The following KRCC1 variants were observed in gnomAD, a reference collection of about 807,000 sequenced individuals.
The protein encoded by KRCC1 is lysine-rich coiled-coil protein 1.
A neutral mutation model predicts 7.4 loss-of-function variants in KRCC1; 3 were observed. The ratio of observed to expected loss-of-function variants is 0.40; its 90% confidence interval spans 0.18 to 1.04. KRCC1 has a LOEUF of 1.04. Ranked by LOEUF, KRCC1 falls within the 50% of genes least tolerant of loss-of-function variation. KRCC1 has a pLI of 0.33. For missense variants in KRCC1, 277 were observed against 300.9 expected (o/e 0.92, Z 0.59); for synonymous variants, 102 against 101.6 (o/e 1.00, Z -0.02).
intron 1 of KRCC1, among the ~76,000 whole-genome samples, chr2:88,046,449 G>A (rs1027310717): frequency 4.6e-5 from 7 of 152,206 alleles, no homozygotes; most frequent in African/African-American, 1.7e-4. Flanking sequence ...TCAGGATTTT[G>A]TCTATTTAAC....
chr2:88,050,574 G>C (rs565262256), intron 1 of KRCC1, among the ~76,000 whole-genome samples: 1 of 152,336 alleles, frequency 6.6e-6, no homozygotes, highest in South Asian at 2.1e-4. Flanking sequence ...AGTGAGCCAA[G>C]ATTGTACCAC....
intron 1 of KRCC1, among the ~76,000 whole-genome samples, chr2:88,054,906 C>CGATCTA (rs1673579914): frequency 6.6e-6 from 1 of 152,182 alleles, no homozygotes; most frequent in Non-Finnish European, 1.5e-5. Flanking sequence ...GAGCTGGAGG[C>CGATCTA]TGCAGCGAGC....
At chr2:88,028,654 T>TTTC in intron 3 of KRCC1, 69 bp from the exon 4 acceptor site, 1 of 861,562 alleles carries the variant, frequency 1.2e-6, no homozygotes. Flanking sequence ...CTTTTTTTTT[T>TTTC]TTTTTTTTTT....
Position 88,051,954 on chromosome 2 carries a change from GTCT to G in KRCC1, c.-291+3669_-291+3671del, listed in dbSNP as rs374355874. ...CCATTGCTGTGTGAGTGTGGGAACT[GTCT>G]TGTGTATTTTAGGATATTTGTGGCA... On this transcript the variant is annotated intron_variant, in intron 1 of 3. Coordinates refer to ENST00000347055, the MANE Select transcript of KRCC1 (RefSeq NM_016618.3). Among the ~76,000 whole-genome samples, 104 of 152,368 alleles carry G rather than the reference GTCT, an allele frequency of 6.8e-4. No homozygotes were observed. In the East Asian group the frequency reaches 0.015, roughly 23 times the overall value.
At chr2:88,044,457 C>A (rs1177390121) in intron 1 of KRCC1, among the ~76,000 whole-genome samples, 1 of 151,926 alleles carries the variant, frequency 6.6e-6, no homozygotes, top group Non-Finnish European at 1.5e-5. Context: ...GATAAATATT[C>A]TCAACTAACG....
intron 1 of KRCC1, among the ~76,000 whole-genome samples, chr2:88,042,487 T>C (rs1264525638): frequency 1.4e-5 from 2 of 146,364 alleles, no homozygotes; most frequent in African/African-American, 2.5e-5. Context: ...GGCATGATCA[T>C]AGCTCGCTGC....
At chr2:88,038,076 T>C (rs1673130189) in intron 1 of KRCC1, among the ~76,000 whole-genome samples, 1 of 152,164 alleles carries the variant, frequency 6.6e-6, no homozygotes, top group African/African-American at 2.4e-5. Flanking sequence ...GCCCATGATA[T>C]ATTAACGGGA....
intron 1 of KRCC1, among the ~76,000 whole-genome samples, chr2:88,040,967 G>T (rs771514087): frequency 2.0e-5 from 3 of 152,150 alleles, no homozygotes; most frequent in Non-Finnish European, 2.9e-5. Flanking sequence ...GATAAAACAA[G>T]ACATGCATAA....
At chr2:88,048,170 C>A (rs1020803988) in intron 1 of KRCC1, among the ~76,000 whole-genome samples, 8 of 150,842 alleles carry the variant, frequency 5.3e-5, no homozygotes, top group African/African-American at 2.0e-4. Flanking sequence ...GCAACCTTCA[C>A]CTCCTGGGTT....
chr2:88,028,645 T>A, intron 3 of KRCC1, 60 bp from the exon 4 acceptor site: 30 of 383,408 alleles, frequency 7.8e-5, no homozygotes, highest in African/African-American at 3.1e-4. Flanking sequence ...TCCTTTGCTC[T>A]TTTTTTTTTT....
chr2:88,038,753 G>C (rs1033521556), intron 1 of KRCC1, among the ~76,000 whole-genome samples: 5 of 152,220 alleles, frequency 3.3e-5, no homozygotes, highest in African/African-American at 1.2e-4. Context: ...GGAAGGAGAA[G>C]TGCTGAGTGA....
intron 1 of KRCC1, among the ~76,000 whole-genome samples, chr2:88,054,655 C>G (rs1673572209): frequency 6.6e-6 from 1 of 152,158 alleles, no homozygotes; most frequent in African/African-American, 2.4e-5. Context: ...TCTCTTCCCA[C>G]TCCCTACTCC....
chr2:88,028,670 G>C, intron 3 of KRCC1, 85 bp from the exon 4 acceptor site: 2 of 690,432 alleles, frequency 2.9e-6, no homozygotes, highest in Non-Finnish European at 4.4e-6. Flanking sequence ...TTTTTCTTGA[G>C]ATGGCGTCTC....
intron 2 of KRCC1, among the ~76,000 whole-genome samples, chr2:88,034,955 C>A (rs1439385274): frequency 6.6e-6 from 1 of 151,498 alleles, no homozygotes; most frequent in African/African-American, 2.4e-5. Context: ...TTTTTTTTAC[C>A]CTGGAATAAT....
chr2:88,049,271 G>A (rs916322210), intron 1 of KRCC1, among the ~76,000 whole-genome samples: 4 of 152,192 alleles, frequency 2.6e-5, no homozygotes, highest in African/African-American at 7.2e-5. Flanking sequence ...TCATGCTTGT[G>A]AAGTTAGTTT....
chr2:88,053,749 T>C (rs779102856), intron 1 of KRCC1, among the ~76,000 whole-genome samples: 2 of 152,196 alleles, frequency 1.3e-5, no homozygotes, highest in African/African-American at 2.4e-5. Flanking sequence ...ACAAAGTCAA[T>C]TGTGTAAAAT....
At chr2:88,044,308 C>A (rs1373901768) in intron 1 of KRCC1, among the ~76,000 whole-genome samples, 1 of 151,746 alleles carries the variant, frequency 6.6e-6, no homozygotes, top group Non-Finnish European at 1.5e-5. Flanking sequence ...AGTCTCAGCA[C>A]TTTAGGGGGA....
intron 1 of KRCC1, among the ~76,000 whole-genome samples, chr2:88,050,373 C>G (rs954791876): frequency 1.3e-5 from 2 of 152,172 alleles, no homozygotes; most frequent in African/African-American, 2.4e-5. Context: ...GTAATCCCAG[C>G]ACTTCAGGAG....
chr2:88,029,396 A>T (rs1672949684), intron 3 of KRCC1, among the ~76,000 whole-genome samples: 1 of 152,224 alleles, frequency 6.6e-6, no homozygotes, highest in African/African-American at 2.4e-5. Flanking sequence ...ACTTAACAAT[A>T]AAAGGATGTT....
Sources: gnomAD v4.1 joint callset for allele counts (sites outside exome capture counted in the v4.1 genomes callset) on GRCh38, gnomAD v4.1.1 for gene constraint, MANE v1.5 for transcripts, NCBI Gene and HGNC (gene_info 2026-07-23, HGNC 2026-07-21) for gene names.